Variants in GRIN2B observed in about 807,000 individuals in gnomAD.
The protein encoded by GRIN2B is glutamate receptor ionotropic, NMDA 2B.
GRIN2B carries 5 observed loss-of-function variants against 114.5 expected under a neutral mutation model. The ratio of observed to expected loss-of-function variants is 0.04; its 90% CI spans 0.02 to 0.09. The LOEUF (loss-of-function observed/expected upper bound fraction) is 0.09. Ranked by LOEUF, GRIN2B falls within the 10% of genes least tolerant of loss-of-function variation. The probability of loss-of-function intolerance (pLI) is 1.00; values close to 1 mark genes in which losing one functional copy is unlikely to be tolerated. For synonymous variants in GRIN2B, 787 were observed against 745.1 expected, an observed-to-expected ratio of 1.06 and a Z score of -0.92; for missense variants, 1,108 against 1,943.5, an observed-to-expected ratio of 0.57 and a Z score of 8.08.
At position 13,560,719 on chromosome 12, in the gene GRIN2B, C is replaced by A. The variant is rs111539119; in HGVS notation, c.*2064G>T. On this transcript the variant is annotated 3_prime_UTR_variant, in exon 14 of 14. Coordinates refer to ENST00000609686, the MANE Select transcript of GRIN2B (RefSeq NM_000834.5). ...ATCTGTGAGAGGTTCAGCCCCTTGC[C>A]CCCATGTTCATTTTAGAAAGAAAAC... is the stretch of plus-strand genomic sequence containing the variant. The A allele has an allele frequency of 6.6e-6, 1 of 152,222 alleles. No individual in the cohort carries two copies. The highest frequency in any genetic ancestry group is 2.4e-5 in the African/African-American group (1 of 41,438). 9.4% of individuals were successfully genotyped at this position (152,222 alleles called of 1,614,324 possible). A position where few individuals can be genotyped will look rare whatever the true frequency, so the allele number is the denominator to read the frequency against.
chr12:13,970,601 A>T (rs1299214836), intron 2 of GRIN2B, among the ~76,000 whole-genome samples: 4 of 152,094 alleles, frequency 2.6e-5, no homozygotes, highest in Non-Finnish European at 5.9e-5. Context: ...CCTCACAGGA[A>T]AATAAAAAAT....
rs779719544 is a variant in GRIN2B, at chr12:13,753,935, A to G, written c.412-20T>C. ...TTCATCCTAGAAAAAGAACAGGACA[A>G]AAAAAGGAAGAGAGAAAAAAATCAA... is the stretch of plus-strand genomic sequence containing the variant. On this transcript the variant is annotated intron_variant, in intron 3 of 13. Coordinates refer to ENST00000609686, the MANE Select transcript of GRIN2B (RefSeq NM_000834.5). This position sits in a 1 kb window ranked among gnomAD's most constrained non-coding sequence, Gnocchi z 6.2. 83 of 1,520,174 alleles carry G rather than the reference A, an allele frequency of 5.5e-5. No homozygotes were observed. Among genetic ancestry groups the G allele is most frequent in the East Asian group, 2.9e-4 (13 of 44,408 alleles). 94.2% of individuals were successfully genotyped at this position (1,520,174 alleles called of 1,614,324 possible). A position where few individuals can be genotyped will look rare whatever the true frequency, so the allele number is the denominator to read the frequency against.
At chr12:13,692,162 G>T (rs546288883) in intron 4 of GRIN2B, among the ~76,000 whole-genome samples, 1 of 152,208 alleles carries the variant, frequency 6.6e-6, no homozygotes, top group African/African-American at 2.4e-5. Context: ...TGCACAGAAG[G>T]AATATACTTT....
At chr12:13,659,838 A>T (rs1452455348) in intron 5 of GRIN2B, among the ~76,000 whole-genome samples, 1 of 152,126 alleles carries the variant, frequency 6.6e-6, no homozygotes, top group Non-Finnish European at 1.5e-5. Flanking sequence ...CCTTTGTCTT[A>T]TCATTTATTA....
At chr12:13,593,637 C>CAAAG (rs1198238431) in intron 10 of GRIN2B, among the ~76,000 whole-genome samples, 1 of 152,198 alleles carries the variant, frequency 6.6e-6, no homozygotes, top group South Asian at 2.1e-4. Flanking sequence ...TAGGCATGGG[C>CAAAG]AAAGACTTCA....
intron 5 of GRIN2B, among the ~76,000 whole-genome samples, chr12:13,629,482 C>T (rs1212117744): frequency 1.3e-5 from 2 of 152,160 alleles, no homozygotes; most frequent in Non-Finnish European, 2.9e-5. Flanking sequence ...AGAGTGATTG[C>T]TCTAAACTGC....
At chr12:13,981,096 T>C (rs1421652517) in intron 1 of GRIN2B, among the ~76,000 whole-genome samples, 1 of 150,550 alleles carries the variant, frequency 6.6e-6, no homozygotes, top group East Asian at 2.0e-4. Context: ...CTCTGCTAGG[T>C]GAAGGGATGA....
chr12:13,916,253 A>G (rs1866718417), intron 2 of GRIN2B, among the ~76,000 whole-genome samples: 1 of 152,214 alleles, frequency 6.6e-6, no homozygotes, highest in African/African-American at 2.4e-5. Flanking sequence ...CCAAGATCAG[A>G]TTCCAAGAAG....
intron 3 of GRIN2B, among the ~76,000 whole-genome samples, chr12:13,769,947 C>T (rs989093684): frequency 7.9e-5 from 12 of 152,176 alleles, no homozygotes; most frequent in South Asian, 2.1e-4. Context: ...TTAAACTATG[C>T]GGAAAGTTAG....
At chr12:13,633,242 C>T (rs573658126) in intron 5 of GRIN2B, among the ~76,000 whole-genome samples, 5 of 152,322 alleles carry the variant, frequency 3.3e-5, no homozygotes, top group Admixed American at 1.3e-4. Flanking sequence ...GCCCCAAGAC[C>T]GGCAGCATGG....
chr12:13,549,484 A>C lies in GRIN2B; in HGVS notation c.*13299T>G, dbSNP rs1948384658. 6.6e-6 allele frequency: 1 copy of C among 152,154 alleles called. No individual in the cohort carries two copies. The highest frequency in any genetic ancestry group is 1.5e-5 in the Non-Finnish European group (1 of 68,030). The allele number at this position is 152,154 out of a possible 1,614,324, so 9.4% of individuals were successfully genotyped here. A position where few individuals can be genotyped will look rare whatever the true frequency, so the allele number is the denominator to read the frequency against. ...CTTGTATGTTTGAACTTAATTAGAC[A>C]GAGGTGCCCAGAAAAGGATGTAAGG... On this transcript the variant is annotated 3_prime_UTR_variant, in exon 14 of 14. Coordinates refer to ENST00000609686, the MANE Select transcript of GRIN2B (RefSeq NM_000834.5).
intron 4 of GRIN2B, among the ~76,000 whole-genome samples, chr12:13,751,706 C>T (rs1466135652): frequency 6.6e-6 from 1 of 151,950 alleles, no homozygotes; most frequent in East Asian, 1.9e-4. Flanking sequence ...CCATGGAATC[C>T]AAAGAAACAT....
At chr12:13,735,321 G>GT (rs1188424130) in intron 4 of GRIN2B, among the ~76,000 whole-genome samples, 1 of 152,166 alleles carries the variant, frequency 6.6e-6, no homozygotes, top group African/African-American at 2.4e-5. Context: ...AAGGTGATAG[G>GT]TTTTTTATCA....
At chr12:13,911,030 A>G (rs1866619706) in intron 2 of GRIN2B, among the ~76,000 whole-genome samples, 1 of 152,016 alleles carries the variant, frequency 6.6e-6, no homozygotes, top group Non-Finnish European at 1.5e-5. Flanking sequence ...CCCTTTCTGC[A>G]TCTCCCTGGA....
intron 3 of GRIN2B, among the ~76,000 whole-genome samples, chr12:13,828,394 A>G (rs1394537740): frequency 6.6e-6 from 1 of 152,184 alleles, no homozygotes; most frequent in East Asian, 1.9e-4. Flanking sequence ...TTTTTTCCAC[A>G]GAAAGTAACC....
intron 2 of GRIN2B, among the ~76,000 whole-genome samples, chr12:13,968,587 A>G (rs997451206): frequency 5.3e-5 from 8 of 152,218 alleles, no homozygotes; most frequent in Non-Finnish European, 8.8e-5. Flanking sequence ...TTTTTAAAAT[A>G]TGCATGTGGT....
At chr12:13,626,806 CCCCCCTCCCCCCCACCCT>C in intron 5 of GRIN2B, among the ~76,000 whole-genome samples, 1 of 1,322 alleles carries the variant, frequency 7.6e-4, no homozygotes, top group African/African-American at 1.2e-3. Flanking sequence ...ACTCACTCTC[CCCCCCTCCCCCCCACCCT>C]CCCCCCTCCC....
At chr12:13,879,597 C>G (rs1866040335) in intron 2 of GRIN2B, among the ~76,000 whole-genome samples, 1 of 152,088 alleles carries the variant, frequency 6.6e-6, no homozygotes, top group African/African-American at 2.4e-5. Flanking sequence ...GGTCACCCTT[C>G]ACATTTCATA....
At chr12:13,921,941 T>C (rs148820137) in intron 2 of GRIN2B, among the ~76,000 whole-genome samples, 58 of 152,258 alleles carry the variant, frequency 3.8e-4, no homozygotes, top group African/African-American at 1.2e-3. Context: ...AAGAAATATA[T>C]ATTGTTAAAT....
Sources: gnomAD v4.1 joint callset for allele counts (sites outside exome capture counted in the v4.1 genomes callset) on GRCh38, gnomAD v4.1.1 for gene constraint, Gnocchi (gnomAD v3.1) non-coding constraint, MANE v1.5 for transcripts, NCBI Gene and HGNC (gene_info 2026-07-23, HGNC 2026-07-21) for gene names.